Variants in TBC1D5 observed in about 807,000 individuals in gnomAD.
TBC1D5 encodes TBC1 domain family, member 5.
TBC1D5 carries 75 observed loss-of-function variants against 100.3 expected under a neutral mutation model. That is an observed-to-expected ratio of 0.75 (90% CI 0.62 to 0.91). The LOEUF (loss-of-function observed/expected upper bound fraction) is 0.91, where lower values mean the gene tolerates loss of function less well. TBC1D5 is among the 40% of genes least tolerant of loss of function. The pLI is 0.00. For missense variants in TBC1D5, 910 were observed against 942.4 expected, an observed-to-expected ratio of 0.97 and a Z score of 0.45; for synonymous variants, 323 against 325.6, an observed-to-expected ratio of 0.99 and a Z score of 0.09.
At chr3:17,329,462 T>C (rs1559644911) in intron 13 of TBC1D5, among the ~76,000 whole-genome samples, 1 of 152,130 alleles carries the variant, frequency 6.6e-6, no homozygotes, top group Non-Finnish European at 1.5e-5. Flanking sequence ...AACTTGGTGG[T>C]TTTATTTTTC....
intron 2 of TBC1D5, among the ~76,000 whole-genome samples, chr3:17,553,370 G>A (rs761002740): frequency 1.3e-5 from 2 of 152,056 alleles, no homozygotes; most frequent in African/African-American, 2.4e-5. Context: ...GTAACACTGG[G>A]AAAGACCAGC....
chr3:17,583,182 C>T (rs183510812), intron 2 of TBC1D5, among the ~76,000 whole-genome samples: 227 of 151,912 alleles, frequency 1.5e-3, no homozygotes, highest in Non-Finnish European at 1.9e-3. Context: ...CTATTTGAGA[C>T]GCTGAGGTAA....
intron 13 of TBC1D5, among the ~76,000 whole-genome samples, chr3:17,312,232 AAC>A (rs776022411): frequency 6.6e-6 from 1 of 152,256 alleles, no homozygotes; most frequent in East Asian, 1.9e-4. Context: ...TTCTTTAGAA[AAC>A]AGTCACAAAA....
chr3:17,295,711 T>C (rs2082181223), intron 14 of TBC1D5, among the ~76,000 whole-genome samples: 1 of 152,244 alleles, frequency 6.6e-6, no homozygotes, highest in African/African-American at 2.4e-5. Flanking sequence ...ATATACTTTC[T>C]TTCTCAGCAT....
chr3:17,703,683 G>A (rs183325432), intron 1 of TBC1D5, among the ~76,000 whole-genome samples: 2 of 151,990 alleles, frequency 1.3e-5, no homozygotes, highest in Non-Finnish European at 2.9e-5. Context: ...TAGAACAGGG[G>A]ATCACAAGCT....
At chr3:17,546,310 A>T (rs2096414252) in intron 2 of TBC1D5, among the ~76,000 whole-genome samples, 1 of 152,326 alleles carries the variant, frequency 6.6e-6, no homozygotes, top group East Asian at 1.9e-4. Flanking sequence ...CTTATATTGT[A>T]CACAACTTAA....
In TBC1D5 at chr3:17,367,944, T is replaced by C. The variant is rs185504576; in HGVS notation, c.995+4131A>G. 1.0e-3 allele frequency among the ~76,000 whole-genome samples: 155 copies of C among 151,036 alleles called. 2 individuals are homozygous for C. The South Asian group carries it at 0.019, about 18-fold the overall frequency. On this transcript the variant is annotated intron_variant, in intron 13 of 21. Transcript: ENST00000253692. Reference sequence around the variant, plus strand: ...CTATGTGCAACAGAAGGAACTTTCATAAAATTAATGAAAAACATAATATAA... The same window carrying C: ...CTATGTGCAACAGAAGGAACTTTCACAAAATTAATGAAAAACATAATATAA...
Position 17,708,830 on chromosome 3 carries a change from G to A in TBC1D5, c.-101+30513C>T, listed in dbSNP as rs542903446. On this transcript the variant is annotated intron_variant, in intron 1 of 21. Coordinates refer to ENST00000253692, the Ensembl canonical transcript of TBC1D5. ...ATACCTCTGGGTTCCAAACATCCTT[G>A]CCAAAATTTGATAATGTATGATGAT... 2.0e-5 allele frequency among the ~76,000 whole-genome samples: 3 copies of A among 152,216 alleles called. No homozygotes were observed. The East Asian group carries it at 5.8e-4, about 29-fold the overall frequency.
intron 13 of TBC1D5, among the ~76,000 whole-genome samples, chr3:17,365,516 C>T (rs767925677): frequency 3.3e-5 from 5 of 152,120 alleles, no homozygotes; most frequent in Admixed American, 6.5e-5. Context: ...AATTGGACTC[C>T]GACAAGGAAA....
At chr3:17,456,988 CAG>C (rs2095101154) in intron 3 of TBC1D5, among the ~76,000 whole-genome samples, 1 of 151,986 alleles carries the variant, frequency 6.6e-6, no homozygotes, top group African/African-American at 2.4e-5. Flanking sequence ...ATGGGACTAA[CAG>C]TGAGAATGTA....
At chr3:17,359,134 A>G (rs181546195) in intron 13 of TBC1D5, among the ~76,000 whole-genome samples, 1 of 152,250 alleles carries the variant, frequency 6.6e-6, no homozygotes, top group Non-Finnish European at 1.5e-5. Flanking sequence ...CAAAAATAAG[A>G]AGCAAAAAGC....
At chr3:17,269,936 A>T (rs2079221237) in intron 15 of TBC1D5, among the ~76,000 whole-genome samples, 1 of 152,116 alleles carries the variant, frequency 6.6e-6, no homozygotes, top group African/African-American at 2.4e-5. Flanking sequence ...TGCTGTTGTG[A>T]ATAGGGCTGC....
chr3:17,224,785 C>T (rs2074666781), intron 17 of TBC1D5, among the ~76,000 whole-genome samples: 1 of 152,144 alleles, frequency 6.6e-6, no homozygotes, highest in African/African-American at 2.4e-5. Flanking sequence ...CCTTGAGGGG[C>T]AACAACACCC....
intron 16 of TBC1D5, among the ~76,000 whole-genome samples, chr3:17,240,955 T>A (rs926799282): frequency 6.6e-6 from 1 of 152,194 alleles, no homozygotes; most frequent in Non-Finnish European, 1.5e-5. Flanking sequence ...TGCAGAGCAA[T>A]TTTTCATCTG....
chr3:17,336,925 T>A (rs1214626682), intron 13 of TBC1D5, among the ~76,000 whole-genome samples: 5 of 152,184 alleles, frequency 3.3e-5, no homozygotes, highest in African/African-American at 1.2e-4. Context: ...GAAGATATAG[T>A]TAATCATTTT....
chr3:17,518,262 G>T (rs904308322), intron 2 of TBC1D5, among the ~76,000 whole-genome samples: 1 of 152,084 alleles, frequency 6.6e-6, no homozygotes, highest in African/African-American at 2.4e-5. Context: ...TTTCCCACTC[G>T]AATGTTGCCT....
At chr3:17,242,963 G>C (rs1237536150) in intron 16 of TBC1D5, among the ~76,000 whole-genome samples, 1 of 152,148 alleles carries the variant, frequency 6.6e-6, no homozygotes, top group Admixed American at 6.5e-5. Context: ...GTTAGATTTT[G>C]TTAATGTATG....
At chr3:17,529,688 C>G (rs1304543248) in intron 2 of TBC1D5, among the ~76,000 whole-genome samples, 1 of 151,650 alleles carries the variant, frequency 6.6e-6, no homozygotes, top group East Asian at 1.9e-4. Flanking sequence ...GTTCTGTCGG[C>G]CAGGCTGGAG....
At position 17,419,496 on chromosome 3, in the gene TBC1D5, A is replaced by G. The variant is rs140180971; in HGVS notation, c.167+8954T>C. On this transcript the variant is annotated intron_variant, in intron 4 of 21. Transcript: ENST00000253692. ...CAAACTGAAACTTACCCATTCTAAT[A>G]TACTGCAAAAGAAATCTAAAAGAAT... Among the ~76,000 whole-genome samples, 534 of 152,312 alleles carry G rather than the reference A, an allele frequency of 3.5e-3. 4 individuals carry two copies. Among genetic ancestry groups the G allele is most frequent in the African/African-American group, 0.012 (506 of 41,566 alleles).
Sources: gnomAD v4.1 joint callset for allele counts (sites outside exome capture counted in the v4.1 genomes callset) on GRCh38, gnomAD v4.1.1 for gene constraint, MANE v1.5 for transcripts, NCBI Gene and HGNC (gene_info 2026-07-23, HGNC 2026-07-21) for gene names.